FERRY3: variants seen among roughly 807,000 people sequenced by gnomAD.
FERRY3 encodes the protein FERRY endosomal RAB5 effector complex subunit 3, also known as protein C12orf4.
chr12:4,525,696 A>C, the FERRY3 span: 19 of 746,370 alleles, frequency 2.5e-5, no homozygotes, highest in South Asian at 2.9e-4. Flanking sequence ...ATTTTATAGA[A>C]ATGTGTCCAG....
At chr12:4,536,929 T>C in the FERRY3 span, among the ~76,000 whole-genome samples, 1 of 152,236 alleles carries the variant, frequency 6.6e-6, no homozygotes, top group Non-Finnish European at 1.5e-5. Flanking sequence ...GAAGTTATAG[T>C]AATCTTCCTT....
the FERRY3 span, among the ~76,000 whole-genome samples, chr12:4,515,122 T>TA: frequency 5.3e-5 from 8 of 152,262 alleles, no homozygotes; most frequent in East Asian, 1.3e-3. Context: ...ATTTTTCAAT[T>TA]AAAAAACAGC....
the FERRY3 span, chr12:4,536,220 C>G: frequency 2.9e-5 from 44 of 1,495,832 alleles, no homozygotes; most frequent in Non-Finnish European, 3.7e-5. Flanking sequence ...TTCTACAGAA[C>G]TAACAAAAAA....
the FERRY3 span, chr12:4,502,571 T>C: frequency 2.8e-6 from 1 of 354,834 alleles, no homozygotes; most frequent in Non-Finnish European, 5.5e-6. This position sits in a 1 kb window ranked among gnomAD's most constrained non-coding sequence, Gnocchi z 4.2. Context: ...GATAAGTCCT[T>C]CTAGGAAAGG....
At chr12:4,536,026 T>G in the FERRY3 span, 14 of 1,557,856 alleles carry the variant, frequency 9.0e-6, no homozygotes, top group Non-Finnish European at 1.2e-5. Context: ...CCTTTTTCTA[T>G]AAAGCACGGT....
chr12:4,516,281 A>G, the FERRY3 span, among the ~76,000 whole-genome samples: 1,004 of 152,332 alleles, frequency 6.6e-3, 12 homozygotes, highest in African/African-American at 0.022. Context: ...GAAATTTAAC[A>G]ATAGTTTTCA....
chr12:4,509,303 C>G, the FERRY3 span: 1 of 175,916 alleles, frequency 5.7e-6, no homozygotes, highest in Non-Finnish European at 1.1e-5. Context: ...AACTGCAAGG[C>G]GGCAGCGAGG....
the FERRY3 span, chr12:4,490,040 T>C: frequency 8.7e-6 from 5 of 574,086 alleles, no homozygotes; most frequent in East Asian, 1.2e-4. Flanking sequence ...TCATGGCCGA[T>C]GTAACTGCAT....
At chr12:4,490,398 A>T in the FERRY3 span, 1 of 675,196 alleles carries the variant, frequency 1.5e-6, no homozygotes, top group Non-Finnish European at 2.4e-6. Flanking sequence ...TCTCTCCTTA[A>T]AAAACAGAAA....
the FERRY3 span, among the ~76,000 whole-genome samples, chr12:4,532,264 G>T: frequency 1.3e-5 from 2 of 151,998 alleles, no homozygotes; most frequent in African/African-American, 2.4e-5. Context: ...CAAGATAGCT[G>T]CAAGACTGCA....
chr12:4,532,052 G>A, the FERRY3 span, among the ~76,000 whole-genome samples: 1 of 150,478 alleles, frequency 6.6e-6, no homozygotes, highest in African/African-American at 2.4e-5. Context: ...GGATGGCTTT[G>A]AATGCCGCCC....
At chr12:4,531,358 G>C in the FERRY3 span, among the ~76,000 whole-genome samples, 121 of 152,312 alleles carry the variant, frequency 7.9e-4, 1 homozygote, top group African/African-American at 2.7e-3. Flanking sequence ...AGGAGCTACT[G>C]TAAGACTGTA....
At chr12:4,490,481 A>C in the FERRY3 span, 1 of 1,466,130 alleles carries the variant, frequency 6.8e-7, no homozygotes, top group Non-Finnish European at 9.3e-7. Context: ...AAATCTAATA[A>C]AAGAGATTAA....
At chr12:4,491,164 A>T in the FERRY3 span, 1 of 1,612,214 alleles carries the variant, frequency 6.2e-7, no homozygotes, top group Non-Finnish European at 8.5e-7. Flanking sequence ...GTCAGAGAGA[A>T]GATTATGCTC....
chr12:4,491,416 T>C, the FERRY3 span, among the ~76,000 whole-genome samples: 3 of 152,306 alleles, frequency 2.0e-5, no homozygotes, highest in South Asian at 6.2e-4. Flanking sequence ...TGTTAGACTA[T>C]ACTTGTGGAA....
the FERRY3 span, among the ~76,000 whole-genome samples, chr12:4,516,711 G>A: frequency 6.6e-6 from 1 of 152,174 alleles, no homozygotes; most frequent in Admixed American, 6.5e-5. Context: ...GGCTTGTTAG[G>A]AGAAGGGAAG....
the FERRY3 span, chr12:4,525,446 T>G: frequency 6.2e-7 from 1 of 1,600,714 alleles, no homozygotes; most frequent in South Asian, 1.1e-5. Flanking sequence ...CAAAAGAAAA[T>G]GCAACTGCAT....
chr12:4,505,168 G>C, the FERRY3 span: 1 of 646,236 alleles, frequency 1.5e-6, no homozygotes, highest in Non-Finnish European at 2.7e-6. Flanking sequence ...GTATTATATA[G>C]GTACAAAGTG....
the FERRY3 span, among the ~76,000 whole-genome samples, chr12:4,527,899 A>G: frequency 6.6e-6 from 1 of 151,444 alleles, no homozygotes; most frequent in African/African-American, 2.4e-5. Flanking sequence ...CCTCTACTAA[A>G]AAACTATTCC....
Sources: allele counts gnomAD v4.1 joint callset (sites outside exome capture counted in the v4.1 genomes callset), GRCh38; gene constraint gnomAD v4.1.1; non-coding constraint Gnocchi (gnomAD v3.1); transcripts MANE v1.5; gene names NCBI Gene and HGNC (gene_info 2026-07-23, HGNC 2026-07-21).